The following OXR1 variants were observed in gnomAD, a reference collection of about 807,000 sequenced individuals.
OXR1 encodes oxidation resistance protein 1.
Under a neutral mutation model 104.6 loss-of-function variants are expected in OXR1, and 41 were observed. The observed-to-expected ratio is 0.39, with a 90% CI of 0.31 to 0.51. The LOEUF is 0.51. Ranked by LOEUF, OXR1 falls within the 20% of genes least tolerant of loss-of-function variation. The pLI is 0.77. For missense variants in OXR1, 955 were observed against 1,031.9 expected (o/e 0.93, Z 1.02); for synonymous variants, 348 against 348.4 (o/e 1.00, Z 0.01).
chr8:106,704,427 G>C (rs1413933379), intron 8 of OXR1, among the ~76,000 whole-genome samples: 1 of 60,632 alleles, frequency 1.6e-5, no homozygotes. Context: ...TTTTTTTTGA[G>C]ATGGAGTCTC....
chr8:106,671,489 A>G lies in OXR1; in HGVS notation c.221-7721A>G, dbSNP rs143413307. 3.4e-3 allele frequency among the ~76,000 whole-genome samples: 522 copies of G among 152,306 alleles called. 3 individuals are homozygous for G. The highest frequency in any genetic ancestry group is 0.015 in the South Asian group (73 of 4,826). On this transcript the variant is annotated intron_variant, in intron 3 of 16. Coordinates refer to ENST00000517566, the MANE Select transcript of OXR1 (RefSeq NM_001198533.2). ...TCCTTGCATTGTCTGGGAAGAGGAT[A>G]AAAGTACCAGTTAATATTAGGCTGT...
chr8:106,337,549 AATTTTATGTTGTCCCC>A (rs1815015351), intron 1 of OXR1, among the ~76,000 whole-genome samples: 1 of 152,188 alleles, frequency 6.6e-6, no homozygotes, highest in Non-Finnish European at 1.5e-5. Context: ...CTAAGCCATC[AATTTTATGTTGTCCCC>A]ATAGGAAACT....
intron 3 of OXR1, among the ~76,000 whole-genome samples, chr8:106,619,453 T>C (rs1821511983): frequency 6.6e-6 from 1 of 152,194 alleles, no homozygotes; most frequent in Admixed American, 6.5e-5. Flanking sequence ...TCATAATTTA[T>C]ACAAAATTAT....
At chr8:106,329,237 C>T (rs11995435) in intron 1 of OXR1, among the ~76,000 whole-genome samples, 47,756 of 151,612 alleles carry the variant, frequency 0.31, 10,008 homozygotes, top group African/African-American at 0.6. Flanking sequence ...GGTGATCCGC[C>T]CACCTCGCCC....
At chr8:106,512,028 T>A (rs571706821) in intron 2 of OXR1, among the ~76,000 whole-genome samples, 1 of 152,366 alleles carries the variant, frequency 6.6e-6, no homozygotes, top group Admixed American at 6.5e-5. Flanking sequence ...TGTTCATGTT[T>A]GCTTTTTCAA....
chr8:106,351,971 C>G (rs1161552103), intron 1 of OXR1, among the ~76,000 whole-genome samples: 2 of 152,082 alleles, frequency 1.3e-5, no homozygotes, highest in Admixed American at 1.3e-4. Flanking sequence ...TTGGTAATCG[C>G]ATCCAGGAGT....
At chr8:106,349,025 A>AATT (rs1409219800) in intron 1 of OXR1, among the ~76,000 whole-genome samples, 1 of 152,192 alleles carries the variant, frequency 6.6e-6, no homozygotes, top group African/African-American at 2.4e-5. Context: ...CCAATGCAAT[A>AATT]ATTTCCAGCT....
In OXR1 at chr8:106,561,799, G is replaced by C. The variant is rs965416297; in HGVS notation, c.220+42660G>C. Among the ~76,000 whole-genome samples, 3 of 152,196 alleles carry C rather than the reference G, an allele frequency of 2.0e-5. No homozygotes were observed. The East Asian group carries it at 5.8e-4, about 29-fold the overall frequency. On this transcript the variant is annotated intron_variant, in intron 3 of 16. Transcript: ENST00000517566. Reference sequence around the variant, plus strand: ...GAAGGAACAGGCAGCAATCTTTGCTGTTCTGCAGCCTCTGCTGGTGATACC... The same window carrying C: ...GAAGGAACAGGCAGCAATCTTTGCTCTTCTGCAGCCTCTGCTGGTGATACC...
chr8:106,307,650 T>C (rs1813521060), intron 1 of OXR1, among the ~76,000 whole-genome samples: 1 of 152,148 alleles, frequency 6.6e-6, no homozygotes, highest in South Asian at 2.1e-4. Flanking sequence ...GTGGATCTTT[T>C]GGAAGGTTGC....
intron 4 of OXR1, among the ~76,000 whole-genome samples, chr8:106,680,105 A>G (rs1421332237): frequency 6.6e-6 from 1 of 152,112 alleles, no homozygotes; most frequent in Non-Finnish European, 1.5e-5. Context: ...CAAATTATCA[A>G]AATTCTAATT....
intron 3 of OXR1, among the ~76,000 whole-genome samples, chr8:106,569,137 T>C (rs574049921): frequency 7.9e-5 from 12 of 152,262 alleles, no homozygotes; most frequent in Admixed American, 6.5e-5. Flanking sequence ...TTCTACAATA[T>C]AGATAAAATC....
At chr8:106,421,029 T>A (rs1818884036) in intron 2 of OXR1, among the ~76,000 whole-genome samples, 1 of 152,156 alleles carries the variant, frequency 6.6e-6, no homozygotes. Flanking sequence ...TGTATGCATG[T>A]ATTTATTAAT....
At chr8:106,723,481 G>C (rs1833021259) in intron 11 of OXR1, among the ~76,000 whole-genome samples, 1 of 145,360 alleles carries the variant, frequency 6.9e-6, no homozygotes, top group Admixed American at 6.9e-5. Context: ...CTGGGCGACA[G>C]AGCAAGCCTC....
chr8:106,749,743 C>T (rs1835718074), intron 16 of OXR1, among the ~76,000 whole-genome samples: 1 of 152,132 alleles, frequency 6.6e-6, no homozygotes, highest in African/African-American at 2.4e-5. Flanking sequence ...GGATAGCTCT[C>T]TGGATATTAT....
chr8:106,529,427 A>C (rs374881747), intron 3 of OXR1, among the ~76,000 whole-genome samples: 10 of 152,230 alleles, frequency 6.6e-5, no homozygotes, highest in East Asian at 1.9e-4. Flanking sequence ...TATTTCTTTC[A>C]AGATAAATTA....
intron 2 of OXR1, among the ~76,000 whole-genome samples, chr8:106,387,437 C>A (rs1050627383): frequency 6.6e-5 from 10 of 152,166 alleles, no homozygotes; most frequent in African/African-American, 2.4e-4. Flanking sequence ...CTAGGAGAAA[C>A]CTCATGCTAC....
intron 2 of OXR1, among the ~76,000 whole-genome samples, chr8:106,429,467 T>A (rs13250208): frequency 0.14 from 21,895 of 151,936 alleles, 1,761 homozygotes; most frequent in South Asian, 0.32. Context: ...CAAGACCAGC[T>A]TGGCTAATAT....
intron 11 of OXR1, 119 bp downstream of exon 11, chr8:106,714,104 G>A: frequency 1.5e-6 from 1 of 678,336 alleles, no homozygotes; most frequent in South Asian, 2.0e-5. Flanking sequence ...TAAAGGTCAG[G>A]TTCACTATCC....
intron 3 of OXR1, among the ~76,000 whole-genome samples, chr8:106,571,521 G>A (rs538770676): frequency 1.3e-5 from 2 of 152,154 alleles, no homozygotes; most frequent in Admixed American, 6.5e-5. Flanking sequence ...GGCGGCCAGG[G>A]GTGTGGCATA....
Sources: gnomAD v4.1 joint callset for allele counts (sites outside exome capture counted in the v4.1 genomes callset) on GRCh38, gnomAD v4.1.1 for gene constraint, MANE v1.5 for transcripts, NCBI Gene and HGNC (gene_info 2026-07-23, HGNC 2026-07-21) for gene names.